Variants in MPDZ observed in about 807,000 individuals in gnomAD.
MPDZ encodes the protein multiple PDZ domain protein.
MPDZ carries 234 observed loss-of-function variants against 239.1 expected under a neutral mutation model. That is an observed-to-expected ratio of 0.98 (90% CI 0.88 to 1.09). The LOEUF (loss-of-function observed/expected upper bound fraction) is 1.09. Ranked by LOEUF, MPDZ falls within the 50% of genes least tolerant of loss-of-function variation. The pLI is 0.00. For synonymous variants in MPDZ, 1,048 were observed against 881.3 expected (o/e 1.19, Z -3.35); for missense variants, 3,175 against 2,510.0 (o/e 1.26, Z -5.66).
rs1194602934 is a variant in MPDZ, at chr9:13,143,971, A to T, written c.3742-407T>A. On this transcript the variant is annotated intron_variant, in intron 26 of 46. Coordinates refer to ENST00000319217, the MANE Select transcript of MPDZ (RefSeq NM_001378778.1). Reference sequence around the variant, plus strand: ...CTACATCTAAAAGCTAATTTTTTTTAAATAATCTGTCTAGAATGCAAATTA... The same window carrying T: ...CTACATCTAAAAGCTAATTTTTTTTTAATAATCTGTCTAGAATGCAAATTA... Among the ~76,000 whole-genome samples the T allele has an allele frequency of 2.0e-5, 3 of 152,066 alleles. No homozygotes were observed. The East Asian group carries it at 5.8e-4, about 29-fold the overall frequency.
chr9:13,137,816 G>C lies in MPDZ; in HGVS notation c.4200+141C>G, dbSNP rs1947052063. ...TTGGTAGAAATTTGGTTTAGAGCCA[G>C]ATTTGCTGCAATGCATCTATTTTAT... On this transcript the variant is annotated intron_variant, in intron 29 of 46. Coordinates refer to ENST00000319217, the MANE Select transcript of MPDZ (RefSeq NM_001378778.1). 1.6e-5 allele frequency: 14 copies of C among 857,620 alleles called. No individual in the cohort carries two copies. The South Asian group carries it at 2.0e-4, about 12-fold the overall frequency. 53.1% of individuals were successfully genotyped at this position (857,620 alleles called of 1,614,324 possible). A position where few individuals can be genotyped will look rare whatever the true frequency, so the allele number is the denominator to read the frequency against.
chr9:13,147,521 C>T (rs774512265), intron 26 of MPDZ, 27 bp downstream of exon 26: 6 of 1,541,710 alleles, frequency 3.9e-6, no homozygotes, highest in South Asian at 3.4e-5. Flanking sequence ...TTTGGATATG[C>T]CTACCTTGCC....
intron 17 of MPDZ, among the ~76,000 whole-genome samples, chr9:13,186,665 A>C (rs545195874): frequency 6.6e-6 from 1 of 152,102 alleles, no homozygotes; most frequent in East Asian, 1.9e-4. Context: ...TCTTCTTATA[A>C]GAATTTTTTT....
intron 19 of MPDZ, among the ~76,000 whole-genome samples, chr9:13,180,832 T>C (rs2134387264): frequency 6.6e-6 from 1 of 152,284 alleles, no homozygotes; most frequent in Non-Finnish European, 1.5e-5. Context: ...CGTAAATCTT[T>C]ACATGGTAAC....
chr9:13,127,435 A>T (rs1359821418), intron 32 of MPDZ, among the ~76,000 whole-genome samples: 1 of 152,222 alleles, frequency 6.6e-6, no homozygotes, highest in Non-Finnish European at 1.5e-5. Context: ...GTTCAGAAAT[A>T]TTGGCTTTTA....
At chr9:13,110,524 T>C (rs1330153323) in intron 44 of MPDZ, 112 bp downstream of exon 44, 4 of 756,892 alleles carry the variant, frequency 5.3e-6, no homozygotes, top group South Asian at 1.7e-5. Context: ...TCAAGAGAAA[T>C]ATTAAATAAA....
chr9:13,156,723 C>T (rs1465084903), intron 24 of MPDZ, among the ~76,000 whole-genome samples: 1 of 152,184 alleles, frequency 6.6e-6, no homozygotes, highest in African/African-American at 2.4e-5. Context: ...GTTACTAAAA[C>T]TGACCAACCT....
chr9:13,194,790 T>C (rs1187866391), intron 13 of MPDZ, among the ~76,000 whole-genome samples: 1 of 152,076 alleles, frequency 6.6e-6, no homozygotes, highest in African/African-American at 2.4e-5. Context: ...CATTATTCAA[T>C]TACCACCCGA....
intron 6 of MPDZ, 90 bp from the exon 7 acceptor site, chr9:13,221,590 A>C: frequency 7.6e-7 from 1 of 1,316,090 alleles, no homozygotes; most frequent in Non-Finnish European, 1.0e-6. Flanking sequence ...TTATTTTGTT[A>C]ATATTAAATA....
intron 21 of MPDZ, 89 bp from the exon 22 acceptor site, chr9:13,168,653 A>G: frequency 9.7e-7 from 1 of 1,029,050 alleles, no homozygotes; most frequent in South Asian, 1.8e-5. Context: ...TGATTTATAG[A>G]TTAAAAAATA....
At chr9:13,164,294 T>C (rs1011298371) in intron 22 of MPDZ, among the ~76,000 whole-genome samples, 1 of 152,198 alleles carries the variant, frequency 6.6e-6, no homozygotes, top group Non-Finnish European at 1.5e-5. Flanking sequence ...ATCTTCTCTA[T>C]GGTGCTACAA....
intron 1 of MPDZ, among the ~76,000 whole-genome samples, chr9:13,271,333 G>A (rs543360589): frequency 1.3e-5 from 2 of 152,126 alleles, no homozygotes; most frequent in Non-Finnish European, 1.5e-5. Flanking sequence ...ATCAGAACAT[G>A]CCACTCCAAA....
intron 3 of MPDZ, among the ~76,000 whole-genome samples, chr9:13,234,009 A>G (rs964237473): frequency 8.3e-6 from 1 of 120,752 alleles, no homozygotes; most frequent in African/African-American, 3.1e-5. Flanking sequence ...AATCTCTGTA[A>G]TACATTTAGA....
intron 24 of MPDZ, among the ~76,000 whole-genome samples, chr9:13,151,478 C>G (rs989008766): frequency 6.6e-6 from 1 of 151,912 alleles, no homozygotes; most frequent in Non-Finnish European, 1.5e-5. Context: ...CTGAAACATA[C>G]CATAATATGA....
intron 2 of MPDZ, 50 bp from the exon 3 acceptor site, chr9:13,247,851 T>TC: frequency 5.2e-6 from 8 of 1,525,088 alleles, no homozygotes; most frequent in Non-Finnish European, 7.2e-6. Context: ...AGGACACATG[T>TC]CCAGCCTAAG....
intron 3 of MPDZ, among the ~76,000 whole-genome samples, chr9:13,245,692 A>G (rs1311240246): frequency 6.6e-6 from 1 of 152,202 alleles, no homozygotes; most frequent in East Asian, 1.9e-4. Context: ...GTTGTCTATC[A>G]ACAAAATAAT....
intron 19 of MPDZ, among the ~76,000 whole-genome samples, chr9:13,181,721 C>G (rs188787419): frequency 6.6e-6 from 1 of 152,128 alleles, no homozygotes; most frequent in Admixed American, 6.6e-5. Context: ...ATACAGCCAG[C>G]ATTTGCCCTG....
At chr9:13,177,571 T>C (rs1054125047) in intron 19 of MPDZ, among the ~76,000 whole-genome samples, 2 of 152,180 alleles carry the variant, frequency 1.3e-5, no homozygotes, top group Admixed American at 6.5e-5. Flanking sequence ...TCTTTTCATC[T>C]TGATGTGAGA....
intron 17 of MPDZ, 66 bp downstream of exon 17, chr9:13,188,718 A>C: frequency 7.0e-7 from 1 of 1,437,010 alleles, no homozygotes; most frequent in Admixed American, 2.0e-5. Flanking sequence ...ACCTAAAGCG[A>C]AAAGTAGACC....
Sources: allele counts gnomAD v4.1 joint callset (sites outside exome capture counted in the v4.1 genomes callset), GRCh38; gene constraint gnomAD v4.1.1; transcripts MANE v1.5; gene names NCBI Gene and HGNC (gene_info 2026-07-23, HGNC 2026-07-21).